Variants in SYN3 observed in about 807,000 individuals in gnomAD.
The protein encoded by SYN3 is synapsin III.
A neutral mutation model predicts 65.8 loss-of-function variants in SYN3; 35 were observed. The ratio of observed to expected loss-of-function variants is 0.53; its 90% CI spans 0.41 to 0.70. The LOEUF (loss-of-function observed/expected upper bound fraction) is 0.70. SYN3 is among the 30% of genes least tolerant of loss of function. The pLI is 0.00. For missense variants in SYN3, 680 were observed against 749.0 expected (o/e 0.91, Z 1.08); for synonymous variants, 270 against 292.9 (o/e 0.92, Z 0.80).
intron 6 of SYN3, among the ~76,000 whole-genome samples, chr22:32,697,153 G>A (rs548320510): frequency 7.2e-5 from 11 of 152,174 alleles, no homozygotes; most frequent in Non-Finnish European, 2.9e-5. Context: ...ACCCTCTCCT[G>A]CTTTAAATGC....
chr22:32,660,873 C>T (rs2413143), intron 6 of SYN3, among the ~76,000 whole-genome samples: 40,281 of 152,020 alleles, frequency 0.26, 7,145 homozygotes, highest in East Asian at 0.72. Context: ...ACCACCCAGG[C>T]GAGGGCTTCT....
intron 6 of SYN3, among the ~76,000 whole-genome samples, chr22:32,757,452 C>T (rs1370939533): frequency 1.3e-5 from 2 of 152,120 alleles, no homozygotes; most frequent in African/African-American, 4.8e-5. Flanking sequence ...GGTGCGCCAC[C>T]ACGCCCAGCT....
In SYN3 at chr22:32,865,023, G is replaced by A. The variant is rs1367899172; in HGVS notation, c.622-19C>T. The A allele has an allele frequency of 6.3e-7, 1 of 1,591,232 alleles. No individual in the cohort carries two copies. The highest frequency in any genetic ancestry group is 8.6e-7 in the Non-Finnish European group (1 of 1,159,214). On this transcript the variant is annotated intron_variant, in intron 5 of 13. Coordinates refer to ENST00000358763, the MANE Select transcript of SYN3 (RefSeq NM_003490.4). ...GAGAGAACTAGGATAGAAGAGGAGA[G>A]AACATTGATCAACTATTGTCACCCA...
At chr22:32,948,110 A>G (rs1424887490) in intron 3 of SYN3, among the ~76,000 whole-genome samples, 1 of 152,014 alleles carries the variant, frequency 6.6e-6, no homozygotes, top group Non-Finnish European at 1.5e-5. Flanking sequence ...TCAAATTTTT[A>G]TTGACTTCTT....
intron 1 of SYN3, among the ~76,000 whole-genome samples, chr22:33,009,656 A>G (rs1337601226): frequency 6.6e-6 from 1 of 151,846 alleles, no homozygotes; most frequent in African/African-American, 2.4e-5. Context: ...AAAGCATCCC[A>G]ATAAGAAAAA....
At chr22:32,644,787 G>T (rs1354464958) in intron 6 of SYN3, among the ~76,000 whole-genome samples, 1 of 152,170 alleles carries the variant, frequency 6.6e-6, no homozygotes, top group Admixed American at 6.5e-5. Context: ...CCTCATTCCT[G>T]GGGTGGCTGC....
intron 4 of SYN3, among the ~76,000 whole-genome samples, chr22:32,896,203 C>T (rs12169377): frequency 0.061 from 9,216 of 152,222 alleles, 912 homozygotes; most frequent in African/African-American, 0.21. Context: ...AGCCTGTAAT[C>T]CCAGCACTTT....
intron 2 of SYN3, among the ~76,000 whole-genome samples, chr22:32,982,918 G>A (rs1203051088): frequency 1.3e-5 from 2 of 152,162 alleles, no homozygotes; most frequent in African/African-American, 4.8e-5. Flanking sequence ...GAAACCCAGA[G>A]AGACTAAATA....
At chr22:32,940,165 G>C (rs1291595921) in intron 3 of SYN3, among the ~76,000 whole-genome samples, 1 of 152,122 alleles carries the variant, frequency 6.6e-6, no homozygotes, top group Non-Finnish European at 1.5e-5. Context: ...ATTTGGTGAA[G>C]TGCCTGTTCA....
At chr22:32,683,615 C>A (rs985707633) in intron 6 of SYN3, among the ~76,000 whole-genome samples, 5 of 152,146 alleles carry the variant, frequency 3.3e-5, no homozygotes, top group Admixed American at 3.3e-4. Flanking sequence ...CCAGTCTCTG[C>A]CTCTGTCACC....
intron 6 of SYN3, among the ~76,000 whole-genome samples, chr22:32,752,583 C>T (rs767521257): frequency 4.3e-4 from 65 of 152,356 alleles, no homozygotes; most frequent in African/African-American, 8.9e-4. Flanking sequence ...GTTCTGAGCA[C>T]TTGCCGCGTG....
At chr22:32,762,796 T>C (rs1325221132) in intron 6 of SYN3, among the ~76,000 whole-genome samples, 2 of 152,236 alleles carry the variant, frequency 1.3e-5, no homozygotes, top group African/African-American at 4.8e-5. Flanking sequence ...CAACTCCTTC[T>C]TTCTGAGCCT....
At chr22:32,713,920 C>T (rs7284602) in intron 6 of SYN3, among the ~76,000 whole-genome samples, 7,650 of 151,996 alleles carry the variant, frequency 0.05, 365 homozygotes, top group African/African-American at 0.12. Flanking sequence ...AAATAAAATG[C>T]TACTGTACAA....
At chr22:32,572,589 T>C (rs2058793663) in intron 7 of SYN3, among the ~76,000 whole-genome samples, 1 of 149,884 alleles carries the variant, frequency 6.7e-6, no homozygotes, top group African/African-American at 2.5e-5. Context: ...CTCTCTCTCT[T>C]TTTTTCCTTC....
chr22:32,567,673 T>C (rs1383757905), intron 7 of SYN3, among the ~76,000 whole-genome samples: 4 of 152,130 alleles, frequency 2.6e-5, no homozygotes, highest in Non-Finnish European at 4.4e-5. Context: ...GATACCAATC[T>C]TGAAGTCATG....
intron 6 of SYN3, among the ~76,000 whole-genome samples, chr22:32,614,334 C>T (rs1238524176): frequency 6.6e-6 from 1 of 152,128 alleles, no homozygotes; most frequent in African/African-American, 2.4e-5. Context: ...GGAAGGCTGC[C>T]CTGAGATACT....
intron 1 of SYN3, among the ~76,000 whole-genome samples, chr22:33,048,737 C>T (rs1408184665): frequency 6.6e-6 from 1 of 152,162 alleles, no homozygotes; most frequent in Non-Finnish European, 1.5e-5. Context: ...GCCAAATAAA[C>T]CTCTTTTCTT....
At chr22:32,593,023 T>G (rs2059149345) in intron 7 of SYN3, among the ~76,000 whole-genome samples, 1 of 152,216 alleles carries the variant, frequency 6.6e-6, no homozygotes, top group Non-Finnish European at 1.5e-5. Flanking sequence ...AGGAACGTTC[T>G]CTTTGCTTGT....
At chr22:32,929,304 C>A (rs138022935) in intron 4 of SYN3, among the ~76,000 whole-genome samples, 8 of 152,176 alleles carry the variant, frequency 5.3e-5, no homozygotes, top group African/African-American at 1.9e-4. Context: ...ACACAAAAAC[C>A]TGGTTATATA....
Sources: gnomAD v4.1 joint callset for allele counts (sites outside exome capture counted in the v4.1 genomes callset) on GRCh38, gnomAD v4.1.1 for gene constraint, MANE v1.5 for transcripts, NCBI Gene and HGNC (gene_info 2026-07-23, HGNC 2026-07-21) for gene names.